Variants in PRSS50 observed in about 807,000 individuals in gnomAD.
The protein encoded by PRSS50 is serine protease 50, also known as probable threonine protease PRSS50.
Under a neutral mutation model 34.2 loss-of-function variants are expected in PRSS50, and 23 were observed. The observed-to-expected ratio is 0.67, with a 90% CI of 0.48 to 0.95. PRSS50 has a LOEUF of 0.95. Among genes scored for constraint, PRSS50 ranks in the 40% least tolerant of loss-of-function variants. The probability of loss-of-function intolerance (pLI) is 0.00; values close to 1 mark genes in which losing one functional copy is unlikely to be tolerated. For missense variants in PRSS50, 484 were observed against 513.4 expected, an observed-to-expected ratio of 0.94 and a Z score of 0.55; for synonymous variants, 224 against 211.2, an observed-to-expected ratio of 1.06 and a Z score of -0.53.
Position 46,717,804 on chromosome 3 carries a change from G to C in PRSS50, c.21C>G (p.Thr7=), listed in dbSNP as rs771034105. ...TCCGGGGGCGCTGCCCGCGCGCGAC[G>C]GTCTGGCACCAGCGACCCATCCCGG... MGRWCQ[T]VARGQRPRTS... is the part of the protein sequence containing the mutation. Residue 7 remains threonine (T), a synonymous_variant, in exon 1 of 6, where the codon ACC becomes ACG. Coordinates refer to ENST00000315170, the MANE Select transcript of PRSS50 (RefSeq NM_013270.5). The surrounding 1 kb of genome is among the most constrained non-coding windows in gnomAD (Gnocchi z 4.5). 4 of 1,537,118 alleles carry C rather than the reference G, an allele frequency of 2.6e-6. No homozygotes were observed. In the East Asian group the frequency reaches 7.3e-5, roughly 28 times the overall value.
rs374658809 is a variant in PRSS50 at position 46,717,795 on chromosome 3, G to A, written c.30C>T (p.Arg10=). The A allele has an allele frequency of 1.0e-5, 16 of 1,545,990 alleles. No homozygotes were observed. Among genetic ancestry groups the A allele is most frequent in the Non-Finnish European group, 1.4e-5 (16 of 1,146,944 alleles). Residue 10 remains arginine, a synonymous_variant, in exon 1 of 6, where the codon CGC becomes CGT. Transcript: ENST00000315170. The surrounding 1 kb of genome is among the most constrained non-coding windows in gnomAD (Gnocchi z 4.5). Reference sequence around the variant, plus strand: ...GGGCAGACGTCCGGGGGCGCTGCCCGCGCGCGACGGTCTGGCACCAGCGAC... The same window carrying A: ...GGGCAGACGTCCGGGGGCGCTGCCCACGCGCGACGGTCTGGCACCAGCGAC... MGRWCQTVA[R]GQRPRTSAPS...
Position 46,717,586 on chromosome 3 carries a change from G to A in PRSS50, c.158C>T (p.Ala53Val), listed in dbSNP as rs755675643. ...APGALSTADP[A>V]DQSVQCVPKA... is the part of the protein sequence containing the mutation. The stretch of plus-strand genomic sequence containing the variant: ...GGGGACACACTGGACGCTCTGGTCG[G>A]CGGGATCAGCAGTGGACAGCGCCCC... Residue 53 changes from alanine (A) to valine (V), a missense_variant, in exon 2 of 6, where the codon GCC (alanine) becomes GTC (valine). Physicochemically the swap from Ala to Val is moderately conservative, Grantham distance 64. Transcript: ENST00000315170. The surrounding 1 kb of genome is among the most constrained non-coding windows in gnomAD (Gnocchi z 4.5). 9 of 1,613,592 alleles carry A rather than the reference G, an allele frequency of 5.6e-6. No individual in the cohort carries two copies. In the Admixed American group the frequency reaches 1.5e-4, roughly 27 times the overall value.
intron 5 of PRSS50, 123 bp downstream of exon 5, chr3:46,712,777 TA>T: frequency 1.3e-6 from 1 of 752,444 alleles, no homozygotes; most frequent in Non-Finnish European, 1.9e-6. Context: ...TCCATCCCCA[TA>T]TCCCAGAGTC....
Position 46,715,578 on chromosome 3 carries a change from T to C in PRSS50, c.427A>G (p.Ile143Val). The change falls in exon 3 of 6, where the codon ATT (isoleucine) becomes GTT (valine). Residue 143 changes from isoleucine to valine, a missense_variant. By Grantham distance (29) the Ile-to-Val change is conservative. Transcript: ENST00000315170. This position sits in a 1 kb window ranked among gnomAD's most constrained non-coding sequence, Gnocchi z 5.2. ...NGTHICAGTI[I>V]ASQWVLTVAH... ...ACAGTCAGCACCCACTGGGAGGCAA[T>C]GATGGTGCCGGCACAGATGTGTGTG... 6.2e-7 allele frequency: 1 copy of C among 1,613,792 alleles called. No homozygotes were observed.
intron 4 of PRSS50, among the ~76,000 whole-genome samples, chr3:46,713,323 C>T (rs1292397497): frequency 1.3e-5 from 2 of 152,216 alleles, no homozygotes; most frequent in Non-Finnish European, 2.9e-5. Flanking sequence ...ACACCACCTC[C>T]ACCACACTCG....
Position 46,717,520 on chromosome 3 carries a change from T to A in PRSS50, c.224A>T (p.Gln75Leu). 1 of 1,613,552 alleles carries A rather than the reference T, an allele frequency of 6.2e-7. No individual in the cohort carries two copies. Among genetic ancestry groups the A allele is most frequent in the African/African-American group, 1.3e-5 (1 of 74,874 alleles). ...GGGCAGTGTCTGGGTGGTCGGGGTC[T>A]GCCAGAGAAGGCGAGGCCGGCTGGA... The part of the protein sequence containing the change: ...CPSSRPRLLW[Q>L]TPTTQTLPST... The change falls in exon 2 of 6, where the codon CAG becomes CTG. Residue 75 changes from glutamine (Q) to leucine (L), a missense_variant. Transcript: ENST00000315170. This position sits in a 1 kb window ranked among gnomAD's most constrained non-coding sequence, Gnocchi z 4.5.
At position 46,712,971 on chromosome 3, in the gene PRSS50, G is replaced by A. The variant is rs757416592; in HGVS notation, c.851C>T (p.Pro284Leu). 4 of 1,614,122 alleles carry A rather than the reference G, an allele frequency of 2.5e-6. No individual in the cohort carries two copies. The highest frequency in any genetic ancestry group is 1.1e-5 in the South Asian group (1 of 91,076). Reference protein sequence around the residue: ...DNFYHNFTKIPTLVQIIKSQM... With the variant: ...DNFYHNFTKILTLVQIIKSQM... ...GGACTTGATGATCTGAACCAGAGTGGGGATTTTGGTGAAGTTGTGGTAGAA... is the reference window on the plus strand; with the variant it reads ...GGACTTGATGATCTGAACCAGAGTGAGGATTTTGGTGAAGTTGTGGTAGAA... The change falls in exon 5 of 6, where the codon CCC becomes CTC. Residue 284 changes from proline to leucine, a missense_variant. Physicochemically the swap from Pro to Leu is moderately conservative, Grantham distance 98. Transcript: ENST00000315170.
rs760524585 is a variant in PRSS50 at position 46,712,441 on chromosome 3, C to G, written c.963G>C (p.Thr321=). The G allele has an allele frequency of 6.2e-7, 1 of 1,614,088 alleles. No individual in the cohort carries two copies. The highest frequency in any genetic ancestry group is 8.5e-7 in the Non-Finnish European group (1 of 1,179,992). The change falls in exon 6 of 6, where the codon ACG becomes ACC. Residue 321 remains threonine, a synonymous_variant. Coordinates refer to ENST00000315170, the MANE Select transcript of PRSS50 (RefSeq NM_013270.5). ...GEPLVCSMEG[T]WYLVGLVSWG... is the part of the protein sequence containing the mutation. ...AGCTCACCAATCCCACCAGGTACCA[C>G]GTGCCCTCCATGGAGCAGACCAAGG... is the stretch of plus-strand genomic sequence containing the variant.
rs761616741 is a variant in PRSS50 at position 46,715,640 on chromosome 3, C to T, written c.365G>A (p.Arg122Gln). The change falls in exon 3 of 6, where the codon CGG becomes CAG. Residue 122 changes from arginine to glutamine, a missense_variant. By Grantham distance (43) the Arg-to-Gln change is conservative. Transcript: ENST00000315170. The surrounding 1 kb of genome is among the most constrained non-coding windows in gnomAD (Gnocchi z 5.2). ...PTLRDPEAVA[R>Q]RWPWMVSVRA... ...CACGCTGACCATCCAGGGCCACCGC[C>T]GAGCCACGGCTTCTGGGTCCCTGAG... The T allele has an allele frequency of 2.4e-5, 38 of 1,611,528 alleles. No homozygotes were observed. The Middle Eastern group carries it at 6.6e-4, about 28-fold the overall frequency.
In PRSS50 at chr3:46,715,800, C is replaced by G; in HGVS notation, c.308-103G>C. On this transcript the variant is annotated intron_variant, in intron 2 of 5. Transcript: ENST00000315170. This position sits in a 1 kb window ranked among gnomAD's most constrained non-coding sequence, Gnocchi z 5.2. ...CTCCAGCCACTGGCCTGCACCCATC[C>G]AGGGGTGCTCCCTTTTCACCTGTCA... 1 of 1,255,090 alleles carries G rather than the reference C, an allele frequency of 8.0e-7. No homozygotes were observed. The highest frequency in any genetic ancestry group is 2.6e-5 in the East Asian group (1 of 38,932). 77.7% of individuals were successfully genotyped at this position (1,255,090 alleles called of 1,614,324 possible).
Position 46,716,265 on chromosome 3 carries a change from C to T in PRSS50, c.308-568G>A, listed in dbSNP as rs553369445. Among the ~76,000 whole-genome samples the T allele has an allele frequency of 1.3e-5, 2 of 152,214 alleles. No individual in the cohort carries two copies. Among genetic ancestry groups the T allele is most frequent in the South Asian group, 4.2e-4 (2 of 4,816 alleles). Reference sequence around the variant, plus strand: ...TTCCTCTTCTTCTCTCTTCCCTTTTCCTCCTCCTCTGATGAGGTCTTGCTC... The same window carrying T: ...TTCCTCTTCTTCTCTCTTCCCTTTTTCTCCTCCTCTGATGAGGTCTTGCTC... On this transcript the variant is annotated intron_variant, in intron 2 of 5. Coordinates refer to ENST00000315170, the MANE Select transcript of PRSS50 (RefSeq NM_013270.5). The surrounding 1 kb of genome is among the most constrained non-coding windows in gnomAD (Gnocchi z 4.4).
At chr3:46,713,156 T>A in intron 4 of PRSS50, 89 bp from the exon 5 acceptor site, 2 of 1,472,798 alleles carry the variant, frequency 1.4e-6, no homozygotes, top group Non-Finnish European at 1.9e-6. Context: ...GTTCCCCACG[T>A]CCCACCTTTT....
chr3:46,712,219 C>A lies in PRSS50; in HGVS notation c.*27G>T, dbSNP rs1442696068. 54 of 1,575,992 alleles carry A rather than the reference C, an allele frequency of 3.4e-5. No individual in the cohort carries two copies. Among genetic ancestry groups the A allele is most frequent in the Non-Finnish European group, 4.6e-5 (53 of 1,155,294 alleles). On this transcript the variant is annotated 3_prime_UTR_variant, in exon 6 of 6. Transcript: ENST00000315170. ...AACCTGGGCACGGAGGCAAGGGGGG[C>A]CCACAAGTGAGGGAGGGCACACAGA...
In PRSS50 at chr3:46,717,864, C is replaced by T; in HGVS notation, c.-40G>A. ...CGACTGCGTCTCTCCGGAAGGCGCTCCCAGTGCCGCCCCCACGACGGCGCC... is the reference window on the plus strand; with the variant it reads ...CGACTGCGTCTCTCCGGAAGGCGCTTCCAGTGCCGCCCCCACGACGGCGCC... On this transcript the variant is annotated 5_prime_UTR_variant, in exon 1 of 6. Transcript: ENST00000315170. This position sits in a 1 kb window ranked among gnomAD's most constrained non-coding sequence, Gnocchi z 4.5. 7.1e-7 allele frequency: 1 copy of T among 1,417,938 alleles called. No homozygotes were observed. The highest frequency in any genetic ancestry group is 9.3e-7 in the Non-Finnish European group (1 of 1,080,032). 87.8% of individuals were successfully genotyped at this position (1,417,938 alleles called of 1,614,324 possible). A position where few individuals can be genotyped will look rare whatever the true frequency, so the allele number is the denominator to read the frequency against.
rs35261087 is a variant in PRSS50 at position 46,714,351 on chromosome 3, G to A, written c.621C>T (p.Ile207=). 1.6e-4 allele frequency: 266 copies of A among 1,614,032 alleles called. 1 individual carries two copies. In the African/African-American group the frequency reaches 2.9e-3, roughly 17 times the overall value. Residue 207 remains isoleucine, a synonymous_variant, in exon 4 of 6, where the codon ATC becomes ATT. Coordinates refer to ENST00000315170, the MANE Select transcript of PRSS50 (RefSeq NM_013270.5). ...GTTCCTGCTTGAGCTTGAGGAGGCC[G>A]ATGTCGTTGGCCTGGCCCACCCAGG... ...FWSWVGQAND[I]GLLKLKQELK... is the part of the protein sequence containing the mutation.
rs1559498939 is a variant in PRSS50 at position 46,715,725 on chromosome 3, G to A, written c.308-28C>T. 1.3e-6 allele frequency: 2 copies of A among 1,553,194 alleles called. No homozygotes were observed. Among genetic ancestry groups the A allele is most frequent in the Non-Finnish European group, 1.7e-6 (2 of 1,145,094 alleles). On this transcript the variant is annotated intron_variant, in intron 2 of 5. Coordinates refer to ENST00000315170, the MANE Select transcript of PRSS50 (RefSeq NM_013270.5). The surrounding 1 kb of genome is among the most constrained non-coding windows in gnomAD (Gnocchi z 5.2). ...GAGGAGGAAGGTGAGAGCTTGATGAGGGATGGATCTTTCCCTGTCCCTCCC... is the reference window on the plus strand; with the variant it reads ...GAGGAGGAAGGTGAGAGCTTGATGAAGGATGGATCTTTCCCTGTCCCTCCC...
chr3:46,714,105 G>T, intron 4 of PRSS50, 113 bp downstream of exon 4: 3 of 1,363,424 alleles, frequency 2.2e-6, no homozygotes, highest in Non-Finnish European at 3.0e-6. Flanking sequence ...TCCCGGGAGC[G>T]GCAGGCTCCC....
rs1700687724 is a variant in PRSS50, at chr3:46,716,616, G to A, written c.307+821C>T. On this transcript the variant is annotated intron_variant, in intron 2 of 5. Coordinates refer to ENST00000315170, the MANE Select transcript of PRSS50 (RefSeq NM_013270.5). This position sits in a 1 kb window ranked among gnomAD's most constrained non-coding sequence, Gnocchi z 4.4. ...GATTCTGCTCTGTACCATCCGCCTG[G>A]CAAAAACGCAACATCTGTGACACCG... 6.6e-6 allele frequency among the ~76,000 whole-genome samples: 1 copy of A among 152,070 alleles called. No homozygotes were observed. The highest frequency in any genetic ancestry group is 1.5e-5 in the Non-Finnish European group (1 of 68,012).
Position 46,712,376 on chromosome 3 carries a change from T to C in PRSS50, c.1028A>G (p.Tyr343Cys), listed in dbSNP as rs781369263. Residue 343 changes from tyrosine (Y) to cysteine (C), a missense_variant, in exon 6 of 6, where the codon TAC becomes TGC. Tyr to Cys is a radical substitution (Grantham distance 194). Transcript: ENST00000315170. ...GCQKSEAPPI[Y>C]LQVSSYQHWI... ...GTGTTGGTAGGAGGAGACCTGTAGG[T>C]AGATGGGTGGGGCCTCGCTCTTCTG... The C allele has an allele frequency of 4.3e-6, 7 of 1,613,504 alleles. No individual in the cohort carries two copies. The highest frequency in any genetic ancestry group is 1.7e-4 in the Middle Eastern group (1 of 6,056).
Sources: gnomAD v4.1 joint callset for allele counts (sites outside exome capture counted in the v4.1 genomes callset) on GRCh38, gnomAD v4.1.1 for gene constraint, Gnocchi (gnomAD v3.1) non-coding constraint, MANE v1.5 for transcripts, NCBI Gene and HGNC (gene_info 2026-07-23, HGNC 2026-07-21) for gene names.